Variants in CACNA1D observed in about 807,000 individuals in gnomAD.
CACNA1D encodes voltage-dependent L-type calcium channel subunit alpha-1D.
In CACNA1D, 55 loss-of-function variants were observed where a neutral mutation model predicts 257.1. The observed-to-expected ratio is 0.21, with a 90% confidence interval of 0.17 to 0.27. CACNA1D has a LOEUF of 0.27. Among genes scored for constraint, CACNA1D ranks in the 10% least tolerant of loss-of-function variants. The probability of loss-of-function intolerance (pLI) is 1.00; values close to 1 mark genes in which losing one functional copy is unlikely to be tolerated. For synonymous variants in CACNA1D, 980 were observed against 1,014.9 expected, an observed-to-expected ratio of 0.97 and a Z score of 0.65; for missense variants, 1,876 against 2,784.0, an observed-to-expected ratio of 0.67 and a Z score of 7.34.
chr3:53,707,312 A>G (rs1394866298), intron 9 of CACNA1D, among the ~76,000 whole-genome samples: 1 of 151,938 alleles, frequency 6.6e-6, no homozygotes, highest in Non-Finnish European at 1.5e-5. Flanking sequence ...GCTCTTTTTC[A>G]TTAAGGTTCC....
intron 19 of CACNA1D, among the ~76,000 whole-genome samples, chr3:53,733,771 G>C (rs888622120): frequency 7.2e-5 from 11 of 151,932 alleles, no homozygotes; most frequent in South Asian, 6.3e-4. Flanking sequence ...TTGGCCCTAG[G>C]GAGACACAGG....
intron 3 of CACNA1D, among the ~76,000 whole-genome samples, chr3:53,598,441 T>G (rs1446794664): frequency 4.0e-5 from 6 of 151,404 alleles, no homozygotes; most frequent in Non-Finnish European, 7.4e-5. Context: ...AAAATTAGTT[T>G]GGGCATGGTG....
intron 29 of CACNA1D, among the ~76,000 whole-genome samples, chr3:53,755,743 G>A (rs529435623): frequency 6.6e-6 from 1 of 152,110 alleles, no homozygotes; most frequent in East Asian, 1.9e-4. Flanking sequence ...ATCGTGTGCC[G>A]GGATGAGTGG....
intron 39 of CACNA1D, chr3:53,783,242 C>A (rs1359298230): frequency 6.6e-6 from 1 of 152,304 alleles, no homozygotes; most frequent in African/African-American, 2.4e-5. Flanking sequence ...TGCCCATCCT[C>A]GTGAAATGCC....
intron 3 of CACNA1D, among the ~76,000 whole-genome samples, chr3:53,643,034 G>A (rs1371769619): frequency 6.6e-6 from 1 of 152,212 alleles, no homozygotes; most frequent in Admixed American, 6.5e-5. Flanking sequence ...CCTGTTTTAT[G>A]GATGAAAGAA....
intron 3 of CACNA1D, among the ~76,000 whole-genome samples, chr3:53,593,227 T>G (rs1033251741): frequency 6.6e-6 from 1 of 152,216 alleles, no homozygotes; most frequent in East Asian, 1.9e-4. Context: ...GGCAAGAGAT[T>G]ATAAAATCTG....
chr3:53,501,692 A>G lies in CACNA1D; in HGVS notation c.455A>G (p.Asp152Gly). The stretch of plus-strand genomic sequence containing the variant: ...GCTATTTACATCCCATTCCCTGAAG[A>G]TGATTCTAATTCAACAAATCATAAC... ...ALAIYIPFPE[D>G]DSNSTNHNLE... The change falls in exon 3 of 48, where the codon GAT becomes GGT. Residue 152 changes from aspartate to glycine, a missense_variant. Transcript: ENST00000350061. 6.3e-7 allele frequency: 1 copy of G among 1,594,444 alleles called. No homozygotes were observed. Among genetic ancestry groups the G allele is most frequent in the Non-Finnish European group, 8.6e-7 (1 of 1,162,566 alleles).
chr3:53,610,931 T>C (rs184966450), intron 3 of CACNA1D, among the ~76,000 whole-genome samples: 1 of 152,370 alleles, frequency 6.6e-6, no homozygotes, highest in East Asian at 1.9e-4. Context: ...GTATTTCTGT[T>C]GGCAGTGAAT....
intron 3 of CACNA1D, among the ~76,000 whole-genome samples, chr3:53,527,269 GT>G (rs79991967): frequency 0.31 from 47,515 of 152,128 alleles, 8,636 homozygotes; most frequent in African/African-American, 0.51. Flanking sequence ...TCCCATGTCT[GT>G]TGGAGCATTC....
At chr3:53,633,688 C>T (rs953136922) in intron 3 of CACNA1D, among the ~76,000 whole-genome samples, 1 of 152,174 alleles carries the variant, frequency 6.6e-6, no homozygotes, top group African/African-American at 2.4e-5. Context: ...ATAGTGTTGG[C>T]TCCACAGACG....
chr3:53,547,406 C>T (rs1402017269), intron 3 of CACNA1D, among the ~76,000 whole-genome samples: 1 of 152,154 alleles, frequency 6.6e-6, no homozygotes, highest in African/African-American at 2.4e-5. Context: ...ATTATGGCGT[C>T]AATTGATTCT....
At chr3:53,613,340 C>T (rs941572425) in intron 3 of CACNA1D, among the ~76,000 whole-genome samples, 9 of 152,286 alleles carry the variant, frequency 5.9e-5, no homozygotes, top group African/African-American at 2.2e-4. Flanking sequence ...TTATCCCTCC[C>T]TCTTCCCTCT....
At chr3:53,762,358 T>C (rs1048624593) in intron 30 of CACNA1D, among the ~76,000 whole-genome samples, 4 of 152,250 alleles carry the variant, frequency 2.6e-5, no homozygotes, top group African/African-American at 9.6e-5. Context: ...AGGATGTCTC[T>C]AATTGTTTTC....
At chr3:53,535,885 G>A (rs994140782) in intron 3 of CACNA1D, among the ~76,000 whole-genome samples, 3 of 152,134 alleles carry the variant, frequency 2.0e-5, no homozygotes, top group African/African-American at 7.2e-5. Context: ...CACAGAGATA[G>A]CATCACTTAA....
chr3:53,665,753 T>C lies in CACNA1D; in HGVS notation c.860T>C (p.Ile287Thr). The C allele has an allele frequency of 6.2e-7, 1 of 1,609,062 alleles. No individual in the cohort carries two copies. Among genetic ancestry groups the C allele is most frequent in the Middle Eastern group, 1.7e-4 (1 of 6,048 alleles). The change falls in exon 6 of 48, where the codon ATT (isoleucine) becomes ACT (threonine). Residue 287 changes from isoleucine to threonine, a missense_variant. Ile to Thr is a moderately conservative substitution (Grantham distance 89, BLOSUM62 -1). Transcript: ENST00000350061. ...LVLFVIIIYA[I>T]IGLELFIGKM... ...TTATTTGTAATCATAATCTATGCTA[T>C]TATAGGATTGGAACTTTTTATTGGA...
chr3:53,496,360 G>A (rs1248263247), intron 1 of CACNA1D, among the ~76,000 whole-genome samples: 1 of 152,208 alleles, frequency 6.6e-6, no homozygotes, highest in Non-Finnish European at 1.5e-5. Flanking sequence ...CTTAGGCCTG[G>A]AGGCCCCTGG....
chr3:53,728,144 A>G (rs779565720), intron 15 of CACNA1D, among the ~76,000 whole-genome samples: 5 of 151,712 alleles, frequency 3.3e-5, no homozygotes, highest in Non-Finnish European at 5.9e-5. Flanking sequence ...ATTTATTATT[A>G]TTATTTTATA....
At chr3:53,781,514 G>A (rs1279677282) in intron 38 of CACNA1D, 52 bp from the exon 39 acceptor site, 5 of 1,212,180 alleles carry the variant, frequency 4.1e-6, no homozygotes, top group Admixed American at 3.4e-5. Context: ...CAGAGGAGGA[G>A]CTGGGGAACA....
chr3:53,598,106 G>T (rs1194894831), intron 3 of CACNA1D, among the ~76,000 whole-genome samples: 1 of 152,134 alleles, frequency 6.6e-6, no homozygotes, highest in African/African-American at 2.4e-5. Context: ...CATTAGGTTG[G>T]CTCATCAGTC....
Sources: allele counts gnomAD v4.1 joint callset (sites outside exome capture counted in the v4.1 genomes callset), GRCh38; gene constraint gnomAD v4.1.1; transcripts MANE v1.5; gene names NCBI Gene and HGNC (gene_info 2026-07-23, HGNC 2026-07-21).